ANO5: variants seen among roughly 807,000 people sequenced by gnomAD.
ANO5 encodes anoctamin 5, also known as anoctamin-5.
Under a neutral mutation model 121.0 loss-of-function variants are expected in ANO5, and 109 were observed. The observed-to-expected ratio is 0.90, with a 90% CI of 0.77 to 1.06. The LOEUF is 1.06. Ranked by LOEUF, ANO5 falls within the 50% of genes least tolerant of loss-of-function variation. ANO5 has a pLI of 0.00. For missense variants in ANO5, 1,064 were observed against 1,078.5 expected, an observed-to-expected ratio of 0.99 and a Z score of 0.19; for synonymous variants, 406 against 359.9, an observed-to-expected ratio of 1.13 and a Z score of -1.45.
intron 5 of ANO5, among the ~76,000 whole-genome samples, chr11:22,222,423 A>G (rs1852684143): frequency 6.6e-6 from 1 of 151,950 alleles, no homozygotes; most frequent in Non-Finnish European, 1.5e-5. Flanking sequence ...CTACTCAGCC[A>G]TTCACTCACC....
At chr11:22,258,877 T>C (rs1316189893) in intron 14 of ANO5, among the ~76,000 whole-genome samples, 7 of 152,164 alleles carry the variant, frequency 4.6e-5, no homozygotes, top group Admixed American at 4.6e-4. Flanking sequence ...CTCACGCCTG[T>C]AATCCCAGCA....
At chr11:22,202,518 G>C (rs1258150547) in intron 1 of ANO5, among the ~76,000 whole-genome samples, 1 of 151,982 alleles carries the variant, frequency 6.6e-6, no homozygotes, top group Non-Finnish European at 1.5e-5. Flanking sequence ...ATAAGAACAA[G>C]CATTTATTTC....
chr11:22,240,187 G>C (rs557231478), intron 9 of ANO5, among the ~76,000 whole-genome samples: 48 of 152,084 alleles, frequency 3.2e-4, no homozygotes, highest in African/African-American at 1.1e-3. Flanking sequence ...GTGTGTGTGT[G>C]CTCTCAGTGA....
At chr11:22,231,369 A>G (rs764592806) in intron 7 of ANO5, among the ~76,000 whole-genome samples, 1 of 151,940 alleles carries the variant, frequency 6.6e-6, no homozygotes, top group Non-Finnish European at 1.5e-5. Flanking sequence ...CGACTGAAGC[A>G]CAGTTTCATC....
intron 7 of ANO5, among the ~76,000 whole-genome samples, chr11:22,229,722 A>T (rs892526017): frequency 6.6e-6 from 1 of 152,066 alleles, no homozygotes; most frequent in Non-Finnish European, 1.5e-5. Context: ...TAGAAATGTC[A>T]GTATTCATTT....
At chr11:22,225,512 G>C (rs1219726644) in intron 5 of ANO5, among the ~76,000 whole-genome samples, 1 of 152,056 alleles carries the variant, frequency 6.6e-6, no homozygotes, top group African/African-American at 2.4e-5. Flanking sequence ...GTTATTTTCA[G>C]TAATGACCTA....
intron 2 of ANO5, among the ~76,000 whole-genome samples, chr11:22,209,545 G>A (rs747915426): frequency 6.6e-5 from 10 of 151,780 alleles, no homozygotes; most frequent in Non-Finnish European, 1.0e-4. Flanking sequence ...TTTTGGAGCT[G>A]GGATTCTGAA....
intron 17 of ANO5, among the ~76,000 whole-genome samples, chr11:22,265,740 C>A (rs1350786080): frequency 6.6e-6 from 1 of 151,940 alleles, no homozygotes. Flanking sequence ...CAAGTGGATT[C>A]TAAAATTTAT....
intron 11 of ANO5, 35 bp from the exon 12 acceptor site, chr11:22,250,916 T>G (rs1266871764): frequency 2.4e-5 from 39 of 1,608,284 alleles, no homozygotes; most frequent in Non-Finnish European, 3.3e-5. Context: ...TAGTACTAAA[T>G]TATCTTTGTG....
chr11:22,269,872 T>C (rs1245579322), intron 17 of ANO5, among the ~76,000 whole-genome samples: 1 of 152,180 alleles, frequency 6.6e-6, no homozygotes, highest in African/African-American at 2.4e-5. Flanking sequence ...TGGAATTTAG[T>C]TGGTTAAAAT....
chr11:22,203,349 G>A (rs1261503934), intron 1 of ANO5, among the ~76,000 whole-genome samples: 1 of 152,076 alleles, frequency 6.6e-6, no homozygotes, highest in Non-Finnish European at 1.5e-5. Flanking sequence ...CTGTATGTCG[G>A]GAAAGTACTC....
At chr11:22,213,059 AAT>A (rs1264861907) in intron 3 of ANO5, among the ~76,000 whole-genome samples, 1 of 151,310 alleles carries the variant, frequency 6.6e-6, no homozygotes, top group Non-Finnish European at 1.5e-5. Flanking sequence ...ACTTTATTTT[AAT>A]ATAGTTTTAG....
rs138570213 is a variant in ANO5, at chr11:22,270,931, T to C, written c.2029+489T>C. ...TGAACACAAGAAACATCCAAAACATTGCAAGGTTTGAACAGAGAAGAGACC... is the reference window on the plus strand; with the variant it reads ...TGAACACAAGAAACATCCAAAACATCGCAAGGTTTGAACAGAGAAGAGACC... On this transcript the variant is annotated intron_variant, in intron 18 of 21. Transcript: ENST00000324559. Among the ~76,000 whole-genome samples, 520 of 152,266 alleles carry C rather than the reference T, an allele frequency of 3.4e-3. 1 individual carries two copies. Among genetic ancestry groups the C allele is most frequent in the South Asian group, 8.9e-3 (43 of 4,818 alleles).
intron 17 of ANO5, among the ~76,000 whole-genome samples, chr11:22,264,560 T>C (rs1049262401): frequency 6.6e-6 from 1 of 150,916 alleles, no homozygotes; most frequent in Non-Finnish European, 1.5e-5. Context: ...AATGTGGTAA[T>C]ATTTAATGCT....
intron 9 of ANO5, among the ~76,000 whole-genome samples, chr11:22,243,925 T>C (rs1197178524): frequency 2.6e-5 from 4 of 152,130 alleles, no homozygotes; most frequent in Admixed American, 6.6e-5. Context: ...AGTATTGATA[T>C]GTGAGATTTT....
In ANO5 at chr11:22,280,351, A is replaced by C. The variant is rs1855035853; in HGVS notation, c.*586A>C. 1 of 152,024 alleles carries C rather than the reference A, an allele frequency of 6.6e-6. No individual in the cohort carries two copies. The highest frequency in any genetic ancestry group is 2.4e-5 in the African/African-American group (1 of 41,426). 9.4% of individuals were successfully genotyped at this position (152,024 alleles called of 1,614,324 possible). ...CATTCAACTACCATCAGAATCCCAG[A>C]TAGTTCTTCCTGGTAAAGGCAGAAT... On this transcript the variant is annotated 3_prime_UTR_variant, in exon 22 of 22. Coordinates refer to ENST00000324559, the MANE Select transcript of ANO5 (RefSeq NM_213599.3).
chr11:22,218,115 T>TCACA lies in ANO5; in HGVS notation c.139-109_139-106dup, dbSNP rs71034578. 8.9e-4 allele frequency: 542 copies of TCACA among 607,746 alleles called. 2 individuals carry two copies. The highest frequency in any genetic ancestry group is 6.7e-3 in the African/African-American group (364 of 54,406). The allele number at this position is 607,746 out of a possible 1,614,324, so 37.6% of individuals were successfully genotyped here. A position where few individuals can be genotyped will look rare whatever the true frequency, so the allele number is the denominator to read the frequency against. On this transcript the variant is annotated intron_variant, in intron 3 of 21. Transcript: ENST00000324559. ...AATTTGTATCCTCCAGTTTGAAATATCACACACACACACACACACACACAC... is the reference window on the plus strand; with the variant it reads ...AATTTGTATCCTCCAGTTTGAAATATCACACACACACACACACACACACACACAC...
intron 18 of ANO5, among the ~76,000 whole-genome samples, chr11:22,271,928 T>A (rs1854630456): frequency 6.6e-6 from 1 of 152,146 alleles, no homozygotes; most frequent in African/African-American, 2.4e-5. Context: ...ATGTATTTTT[T>A]TCACTTGATA....
intron 18 of ANO5, among the ~76,000 whole-genome samples, chr11:22,272,526 T>C (rs1854659349): frequency 6.6e-6 from 1 of 152,158 alleles, no homozygotes; most frequent in South Asian, 2.1e-4. Flanking sequence ...AGAATCTTCC[T>C]TGTAACAAGC....
Sources: allele counts gnomAD v4.1 joint callset (sites outside exome capture counted in the v4.1 genomes callset), GRCh38; gene constraint gnomAD v4.1.1; transcripts MANE v1.5; gene names NCBI Gene and HGNC (gene_info 2026-07-23, HGNC 2026-07-21).